The following KCTD14 variants were observed in gnomAD, a reference collection of about 807,000 sequenced individuals.
KCTD14 encodes BTB/POZ domain-containing protein KCTD14.
A neutral mutation model predicts 5.9 loss-of-function variants in KCTD14; 7 were observed. The ratio of observed to expected loss-of-function variants is 1.19; its 90% CI spans 0.68 to 2.23. The LOEUF (loss-of-function observed/expected upper bound fraction) is 2.23, where lower values mean the gene tolerates loss of function less well. KCTD14 is among the 30% of genes most tolerant of loss of function. The probability of loss-of-function intolerance (pLI) is 0.00; values close to 1 mark genes in which losing one functional copy is unlikely to be tolerated. For synonymous variants in KCTD14, 140 were observed against 133.1 expected (o/e 1.05, Z -0.36); for missense variants, 342 against 332.2 (o/e 1.03, Z -0.23).
intron 2 of KCTD14, among the ~76,000 whole-genome samples, chr11:78,036,088 G>A (rs1857791324): frequency 6.6e-6 from 1 of 152,166 alleles, no homozygotes; most frequent in Non-Finnish European, 1.5e-5. Context: ...GAACCCAGGA[G>A]GAGGAGGTTG....
At chr11:78,024,308 C>A (rs1229230859), upstream of KCTD14, among the ~76,000 whole-genome samples, 2 of 150,720 alleles carry the variant, frequency 1.3e-5, no homozygotes, top group African/African-American at 4.9e-5. Flanking sequence ...TCGCTGGAAC[C>A]CGGGAGGCAG....
intron 2 of KCTD14, among the ~76,000 whole-genome samples, chr11:78,028,381 G>A (rs1388475712): frequency 6.6e-6 from 1 of 152,108 alleles, no homozygotes; most frequent in African/African-American, 2.4e-5. Flanking sequence ...GAGGCGGGTG[G>A]ATCATGAGGT....
At chr11:78,030,174 C>G (rs1005274774) in intron 2 of KCTD14, among the ~76,000 whole-genome samples, 16 of 152,084 alleles carry the variant, frequency 1.1e-4, no homozygotes, top group Admixed American at 2.6e-4. Context: ...TTTTTCCCCC[C>G]CTCCAATTGC....
chr11:78,040,677 T>A (rs1008442188), intron 1 of KCTD14, among the ~76,000 whole-genome samples: 13 of 45,384 alleles, frequency 2.9e-4, no homozygotes, highest in South Asian at 6.8e-4. Flanking sequence ...TTTTATTATT[T>A]TTTTTTTTTT....
chr11:78,026,093 T>C (rs1305737765), upstream of KCTD14, among the ~76,000 whole-genome samples: 4 of 152,328 alleles, frequency 2.6e-5, no homozygotes, highest in East Asian at 5.8e-4. Context: ...CCTCAGGTCA[T>C]GTGCCCAAGG....
intron 2 of KCTD14, among the ~76,000 whole-genome samples, chr11:78,037,925 C>T (rs1857862853): frequency 2.0e-5 from 3 of 151,250 alleles, no homozygotes; most frequent in African/African-American, 4.9e-5. Context: ...CAAGTGTGCT[C>T]ACTTTGTGAA....
At chr11:78,045,802 C>G (rs1046337527) in intron 1 of KCTD14, among the ~76,000 whole-genome samples, 7 of 152,100 alleles carry the variant, frequency 4.6e-5, no homozygotes, top group African/African-American at 1.4e-4. Context: ...GTTTTCATAA[C>G]GCCCGTCAAA....
At chr11:78,019,793 AC>A (rs1411078580) in intron 1 of KCTD14, among the ~76,000 whole-genome samples, 8 of 152,216 alleles carry the variant, frequency 5.3e-5, no homozygotes, top group Non-Finnish European at 8.8e-5. Context: ...GTTCAACAAA[AC>A]TTTTAGAGGC....
At chr11:78,042,559 G>A (rs1048854753) in intron 1 of KCTD14, among the ~76,000 whole-genome samples, 1 of 152,080 alleles carries the variant, frequency 6.6e-6, no homozygotes, top group South Asian at 2.1e-4. Context: ...TAACCTATGC[G>A]CTTTGAACGA....
At chr11:78,039,530 A>C (rs940983320) in intron 1 of KCTD14, among the ~76,000 whole-genome samples, 3 of 151,502 alleles carry the variant, frequency 2.0e-5, no homozygotes, top group Admixed American at 6.6e-5. Flanking sequence ...CTCTGTCTCA[A>C]AAAGAAAAAA....
At chr11:78,025,086 G>A (rs12184455), upstream of KCTD14, among the ~76,000 whole-genome samples, 30,486 of 74,890 alleles carry the variant, frequency 0.41, 4,919 homozygotes, top group South Asian at 0.57. Context: ...ATATACACAC[G>A]TGTGTGTGTG....
At chr11:78,023,736 G>T (rs1373598701), upstream of KCTD14, 1 of 155,440 alleles carries the variant, frequency 6.4e-6, no homozygotes, top group Non-Finnish European at 1.4e-5. Flanking sequence ...CTTGAATCCC[G>T]TTATTAAAGT....
At position 78,016,553 on chromosome 11, in the gene KCTD14, A is replaced by G; in HGVS notation, c.*40T>C. On this transcript the variant is annotated 3_prime_UTR_variant, in exon 2 of 2. Transcript: ENST00000353172. ...CTTTGATGGCAACTTTTAATTTCAT[A>G]AGCCACGCCAGAATTCATAACAGTC... The G allele has an allele frequency of 1.3e-6, 2 of 1,534,774 alleles. No individual in the cohort carries two copies. Among genetic ancestry groups the G allele is most frequent in the South Asian group, 2.4e-5 (2 of 82,840 alleles).
At chr11:78,043,485 A>G (rs1256752593) in intron 1 of KCTD14, among the ~76,000 whole-genome samples, 1 of 152,188 alleles carries the variant, frequency 6.6e-6, no homozygotes, top group African/African-American at 2.4e-5. Flanking sequence ...TACTCAATAA[A>G]ACAAATACCA....
intron 2 of KCTD14, among the ~76,000 whole-genome samples, chr11:78,035,344 A>G (rs1207230258): frequency 6.6e-6 from 1 of 152,008 alleles, no homozygotes; most frequent in Non-Finnish European, 1.5e-5. Context: ...AAGCCAGAAT[A>G]TTCCTTCCCG....
chr11:78,023,945 A>G (rs1041466074), upstream of KCTD14, among the ~76,000 whole-genome samples: 2 of 152,072 alleles, frequency 1.3e-5, no homozygotes, highest in Non-Finnish European at 2.9e-5. Context: ...TTAAAATGTA[A>G]AGTCTGAGGA....
chr11:78,043,853 A>T (rs11601187), intron 1 of KCTD14, among the ~76,000 whole-genome samples: 19,833 of 152,174 alleles, frequency 0.13, 1,592 homozygotes, highest in East Asian at 0.21. Context: ...GAGGTGACAG[A>T]CACCCTGAAT....
chr11:78,038,817 G>C lies in KCTD14; in HGVS notation c.-95-59C>G, dbSNP rs993087409. 22 of 1,527,584 alleles carry C rather than the reference G, an allele frequency of 1.4e-5. No homozygotes were observed. In the South Asian group the frequency reaches 1.8e-4, roughly 12 times the overall value. 94.6% of individuals were successfully genotyped at this position (1,527,584 alleles called of 1,614,324 possible). On this transcript the variant is annotated intron_variant, in intron 1 of 2. Coordinates refer to the KCTD14 transcript ENST00000533144. The stretch of plus-strand genomic sequence containing the variant: ...CAGTGTTCACAAAGGACGAGGACCA[G>C]GAGTTCAGAGGGCCCAGGCCAGGAG...
intron 2 of KCTD14, among the ~76,000 whole-genome samples, chr11:78,034,899 G>A (rs889316417): frequency 1.3e-5 from 2 of 152,042 alleles, no homozygotes; most frequent in African/African-American, 2.4e-5. Flanking sequence ...GCTTTGCTTC[G>A]GGGGCCACCC....
Sources: allele counts gnomAD v4.1 joint callset (sites outside exome capture counted in the v4.1 genomes callset), GRCh38; gene constraint gnomAD v4.1.1; transcripts MANE v1.5; gene names NCBI Gene and HGNC (gene_info 2026-07-23, HGNC 2026-07-21).